DYSF: variants seen among roughly 807,000 people sequenced by gnomAD.
DYSF encodes dysferlin.
In DYSF, 212 loss-of-function variants were observed where a neutral mutation model predicts 274.9. The ratio of observed to expected loss-of-function variants is 0.77; its 90% CI spans 0.69 to 0.86. The LOEUF (loss-of-function observed/expected upper bound fraction) is 0.86. Among genes scored for constraint, DYSF ranks in the 40% least tolerant of loss-of-function variants. The pLI, the probability that DYSF is intolerant of heterozygous loss-of-function variation, is 0.00. For missense variants in DYSF, 2,666 were observed against 2,783.2 expected, an observed-to-expected ratio of 0.96 and a Z score of 0.95; for synonymous variants, 1,091 against 1,078.7, an observed-to-expected ratio of 1.01 and a Z score of -0.22.
intron 29 of DYSF, among the ~76,000 whole-genome samples, chr2:71,571,419 T>C (rs1230534065): frequency 1.2e-5 from 1 of 82,114 alleles, no homozygotes; most frequent in African/African-American, 5.3e-5. Flanking sequence ...CACACACAGA[T>C]CACAGTCAGC....
intron 3 of DYSF, among the ~76,000 whole-genome samples, chr2:71,490,599 T>A (rs1313660451): frequency 6.6e-6 from 1 of 152,250 alleles, no homozygotes; most frequent in Non-Finnish European, 1.5e-5. Flanking sequence ...AGTGTTGGGA[T>A]TACAGGCGTG....
In DYSF at chr2:71,674,180, T is replaced by G. The variant is rs775028930; in HGVS notation, c.5785-17T>G. 1 of 1,612,362 alleles carries G rather than the reference T, an allele frequency of 6.2e-7. No homozygotes were observed. Among genetic ancestry groups the G allele is most frequent in the South Asian group, 1.1e-5 (1 of 91,036 alleles). On this transcript the variant is annotated splice_polypyrimidine_tract_variant and intron_variant, in intron 51 of 55. Transcript: ENST00000410020. The stretch of plus-strand genomic sequence containing the variant: ...CCTTGCTTCCTTGCATCCTTCTCTG[T>G]TCCTCTTCCGGGTCAGGATGCCTTC...
intron 5 of DYSF, 31 bp downstream of exon 5, chr2:71,511,952 C>G (rs1170508981): frequency 7.1e-7 from 1 of 1,417,170 alleles, no homozygotes; most frequent in Admixed American, 2.0e-5. Flanking sequence ...TGGCTGGGCC[C>G]CAGCAAGAAG....
chr2:71,542,994 C>T (rs562617743), intron 17 of DYSF, among the ~76,000 whole-genome samples: 24 of 146,124 alleles, frequency 1.6e-4, no homozygotes, highest in African/African-American at 4.9e-4. Flanking sequence ...GCTGGCCGGA[C>T]GGGGGCTGCC....
At position 71,686,561 on chromosome 2, in the gene DYSF, C is replaced by A; in HGVS notation, c.*69C>A. ...CATGGGACTGGCCTGCCTCCTCCGC[C>A]CAGCTCGGCGAGCTCCTCCAGACCT... is the stretch of plus-strand genomic sequence containing the variant. On this transcript the variant is annotated 3_prime_UTR_variant, in exon 56 of 56. Coordinates refer to ENST00000410020, the MANE Select transcript of DYSF (RefSeq NM_001130987.2). The A allele has an allele frequency of 6.3e-7, 1 of 1,592,200 alleles. No individual in the cohort carries two copies. Among genetic ancestry groups the A allele is most frequent in the Non-Finnish European group, 8.6e-7 (1 of 1,162,208 alleles).
chr2:71,543,222 G>A (rs1165465889), intron 17 of DYSF, among the ~76,000 whole-genome samples: 3 of 38,700 alleles, frequency 7.8e-5, no homozygotes, highest in East Asian at 2.7e-4. Context: ...CCTCCCAGAC[G>A]GGGTCGCGGC....
intron 41 of DYSF, among the ~76,000 whole-genome samples, chr2:71,636,497 T>C (rs1426430227): frequency 7.0e-6 from 1 of 142,654 alleles, no homozygotes; most frequent in Non-Finnish European, 1.6e-5. Flanking sequence ...TGCAGGGATT[T>C]TGGCTTGAGC....
chr2:71,534,394 G>A (rs1335441332), intron 14 of DYSF, among the ~76,000 whole-genome samples: 4 of 152,206 alleles, frequency 2.6e-5, no homozygotes, highest in Non-Finnish European at 5.9e-5. Context: ...CAAGGCCAGG[G>A]CTGGCCTGTG....
intron 39 of DYSF, among the ~76,000 whole-genome samples, 185 bp downstream of exon 39, chr2:71,612,991 G>A (rs756033254): frequency 6.6e-6 from 1 of 152,208 alleles, no homozygotes; most frequent in Non-Finnish European, 1.5e-5. Context: ...TGGGTGGGGG[G>A]CACCAGGAGC....
upstream of DYSF, among the ~76,000 whole-genome samples, chr2:71,462,945 A>C (rs2081343220): frequency 6.6e-6 from 1 of 152,090 alleles, no homozygotes; most frequent in African/African-American, 2.4e-5. Context: ...AAAGCACCAT[A>C]AGTTCTCACT....
At chr2:71,596,523 G>A (rs1011643816) in intron 32 of DYSF, among the ~76,000 whole-genome samples, 6 of 152,166 alleles carry the variant, frequency 3.9e-5, no homozygotes, top group Admixed American at 1.3e-4. Context: ...GGAGCTGATG[G>A]TATCACAGCC....
At chr2:71,559,455 TC>T (rs2091571733) in intron 22 of DYSF, among the ~76,000 whole-genome samples, 1 of 151,964 alleles carries the variant, frequency 6.6e-6, no homozygotes, top group Non-Finnish European at 1.5e-5. Context: ...CATGCCTGCC[TC>T]CATGTCAGCC....
chr2:71,529,667 A>G (rs1017556675), intron 14 of DYSF, among the ~76,000 whole-genome samples: 2 of 152,218 alleles, frequency 1.3e-5, no homozygotes, highest in East Asian at 3.8e-4. Flanking sequence ...ATTAGCAAGT[A>G]AACTGTGGGT....
At chr2:71,625,266 G>A (rs532599196) in intron 41 of DYSF, among the ~76,000 whole-genome samples, 32 of 152,184 alleles carry the variant, frequency 2.1e-4, no homozygotes, top group African/African-American at 7.7e-4. Flanking sequence ...GACTGTTAAA[G>A]GGAGCTATTT....
chr2:71,679,632 T>C (rs2095271610), intron 53 of DYSF, among the ~76,000 whole-genome samples: 2 of 152,124 alleles, frequency 1.3e-5, no homozygotes, highest in African/African-American at 4.8e-5. Context: ...CTGAGAGGTC[T>C]GCTTAGAGGG....
intron 1 of DYSF, among the ~76,000 whole-genome samples, chr2:71,475,687 C>T (rs149525484): frequency 9.4e-4 from 143 of 152,186 alleles, no homozygotes; most frequent in African/African-American, 2.6e-3. Context: ...CGTTCTATCT[C>T]GGTAATTTTC....
chr2:71,662,322 C>G (rs1004017605), intron 45 of DYSF, among the ~76,000 whole-genome samples: 7 of 152,200 alleles, frequency 4.6e-5, no homozygotes, highest in African/African-American at 1.7e-4. Flanking sequence ...ACTCACGAAC[C>G]CAGTCTCAGG....
chr2:71,480,778 C>T (rs2082818246), intron 1 of DYSF, 105 bp from the exon 2 acceptor site: 5 of 1,042,460 alleles, frequency 4.8e-6, no homozygotes, highest in Admixed American at 1.9e-5. Context: ...GTAAGATTTC[C>T]CTTGGCGACC....
intron 41 of DYSF, among the ~76,000 whole-genome samples, chr2:71,627,502 G>C (rs1056550286): frequency 7.9e-5 from 12 of 152,024 alleles, no homozygotes; most frequent in Non-Finnish European, 1.5e-4. Context: ...TTGCTTTATG[G>C]TCTAGTTTAA....
Sources: gnomAD v4.1 joint callset for allele counts (sites outside exome capture counted in the v4.1 genomes callset) on GRCh38, gnomAD v4.1.1 for gene constraint, MANE v1.5 for transcripts, NCBI Gene and HGNC (gene_info 2026-07-23, HGNC 2026-07-21) for gene names.